Variants in TBC1D30 observed in about 807,000 individuals in gnomAD.
TBC1D30 encodes TBC1 domain family member 30, also known as TBC1 domain family, member 30.
Under a neutral mutation model 63.2 loss-of-function variants are expected in TBC1D30, and 31 were observed. That is an observed-to-expected ratio of 0.49 (90% CI 0.37 to 0.66). TBC1D30 has a LOEUF of 0.66. Ranked by LOEUF, TBC1D30 falls within the 30% of genes least tolerant of loss-of-function variation. The pLI is 0.00. For missense variants in TBC1D30, 810 were observed against 953.6 expected, an observed-to-expected ratio of 0.85 and a Z score of 1.98; for synonymous variants, 307 against 361.5, an observed-to-expected ratio of 0.85 and a Z score of 1.71.
At chr12:64,865,859 T>C (rs1237492496) in intron 9 of TBC1D30, among the ~76,000 whole-genome samples, 1 of 152,174 alleles carries the variant, frequency 6.6e-6, no homozygotes, top group African/African-American at 2.4e-5. Context: ...ATGGGGCGTG[T>C]ACATCCAGTA....
chr12:64,823,031 T>C (rs1873981528), upstream of TBC1D30, among the ~76,000 whole-genome samples: 4 of 152,232 alleles, frequency 2.6e-5, no homozygotes, highest in South Asian at 6.2e-4. Context: ...TGAATGTATG[T>C]ATTTTTTTGA....
At chr12:64,781,423 AC>A in intron 1 of TBC1D30, 13 of 886,746 alleles carry the variant, frequency 1.5e-5, no homozygotes, top group Non-Finnish European at 1.5e-5. Flanking sequence ...TGACGGTGGT[AC>A]CCACCGTGGC....
chr12:64,856,600 A>G (rs554727159), intron 8 of TBC1D30, among the ~76,000 whole-genome samples: 8 of 152,318 alleles, frequency 5.3e-5, no homozygotes, highest in African/African-American at 1.2e-4. Context: ...CCCTGTGGCC[A>G]CTACCACTGG....
At chr12:64,825,868 G>T in intron 1 of TBC1D30, among the ~76,000 whole-genome samples, 1 of 152,174 alleles carries the variant, frequency 6.6e-6, no homozygotes, top group Non-Finnish European at 1.5e-5. Context: ...CGTTCCAGGC[G>T]GGTTCACGGT....
In TBC1D30 at chr12:64,880,534, C is replaced by T. The variant is rs1879395277; in HGVS notation, c.*4746C>T. The T allele has an allele frequency of 6.6e-6, 1 of 152,230 alleles. No homozygotes were observed. Among genetic ancestry groups the T allele is most frequent in the African/African-American group, 2.4e-5 (1 of 41,456 alleles). 9.4% of individuals were successfully genotyped at this position (152,230 alleles called of 1,614,324 possible). A position where few individuals can be genotyped will look rare whatever the true frequency, so the allele number is the denominator to read the frequency against. ...GGAGAAAGGGAGTATGTTTTGGTCT[C>T]TTCCTCTTCTGATAAGGGCACTAAC... On this transcript the variant is annotated 3_prime_UTR_variant, in exon 12 of 12. Coordinates refer to ENST00000539867, the MANE Select transcript of TBC1D30 (RefSeq NM_015279.2).
At chr12:64,786,938 C>T (rs1450169914) in intron 2 of TBC1D30, among the ~76,000 whole-genome samples, 7 of 150,498 alleles carry the variant, frequency 4.7e-5, no homozygotes, top group Non-Finnish European at 8.9e-5. Flanking sequence ...AGCGAAACTC[C>T]ATCTCAAAAA....
intron 2 of TBC1D30, among the ~76,000 whole-genome samples, chr12:64,795,062 G>A (rs1872170172): frequency 6.6e-6 from 1 of 152,198 alleles, no homozygotes. Flanking sequence ...TTGGCTGTCT[G>A]CTCATAAGTA....
At chr12:64,819,122 T>C (rs1477695878) in intron 2 of TBC1D30, among the ~76,000 whole-genome samples, 2 of 152,234 alleles carry the variant, frequency 1.3e-5, no homozygotes, top group Admixed American at 6.5e-5. Context: ...CCATGCTTGA[T>C]AGAGTCCTTT....
chr12:64,875,286 A>C lies in TBC1D30; in HGVS notation c.1784A>C (p.Gln595Pro). The change falls in exon 12 of 12, where the codon CAG (glutamine) becomes CCG (proline). Residue 595 changes from glutamine (Q) to proline (P), a missense_variant. Around this residue, in one of 4 missense-constraint regions of TBC1D30, gnomAD observed 450 missense variants for 473.0 expected, o/e 0.95. Coordinates refer to ENST00000539867, the MANE Select transcript of TBC1D30 (RefSeq NM_015279.2). ...CGDTVGLIDE[Q>P]NEASKTNGLG... is the part of the protein sequence containing the mutation. ...GACACCGTAGGGCTGATAGATGAGCAGAACGAGGCCAGCAAGACCAATGGG... is the reference window on the plus strand; with the variant it reads ...GACACCGTAGGGCTGATAGATGAGCCGAACGAGGCCAGCAAGACCAATGGG... 6.5e-7 allele frequency: 1 copy of C among 1,536,332 alleles called. No individual in the cohort carries two copies. The highest frequency in any genetic ancestry group is 1.2e-5 in the South Asian group (1 of 84,066).
chr12:64,789,184 C>CTTTT (rs1282443160), intron 2 of TBC1D30, among the ~76,000 whole-genome samples: 1 of 123,302 alleles, frequency 8.1e-6, no homozygotes, highest in Non-Finnish European at 1.6e-5. Context: ...TCTTCTTCTT[C>CTTTT]TTTTTTTTTT....
Position 64,875,467 on chromosome 12 carries a change from G to A in TBC1D30, c.1965G>A (p.Lys655=), listed in dbSNP as rs1436656669. 6.5e-7 allele frequency: 1 copy of A among 1,536,206 alleles called. No individual in the cohort carries two copies. Reference sequence around the variant, plus strand: ...TGGATGTGTCTGCAGTTCAGGCGAAGTTGGGAGCCCTGGAACTGAACCAGA... The same window carrying A: ...TGGATGTGTCTGCAGTTCAGGCGAAATTGGGAGCCCTGGAACTGAACCAGA... ...ADVDVSAVQA[K]LGALELNQRD... Residue 655 remains lysine (K), a synonymous_variant, in exon 12 of 12, where the codon AAG becomes AAA. Coordinates refer to ENST00000539867, the MANE Select transcript of TBC1D30 (RefSeq NM_015279.2).
chr12:64,814,073 A>C (rs1316759324), intron 2 of TBC1D30, among the ~76,000 whole-genome samples: 2 of 151,912 alleles, frequency 1.3e-5, no homozygotes, highest in Admixed American at 1.3e-4. Flanking sequence ...TTTTTGAGAT[A>C]GGGTCTGGCT....
intron 8 of TBC1D30, among the ~76,000 whole-genome samples, chr12:64,852,283 T>G (rs1415086929): frequency 1.3e-5 from 2 of 152,102 alleles, no homozygotes; most frequent in East Asian, 3.9e-4. Flanking sequence ...TTTCTTCCGC[T>G]TGATCAGTTT....
intron 2 of TBC1D30, among the ~76,000 whole-genome samples, chr12:64,808,324 GC>G (rs1873003831): frequency 6.6e-6 from 1 of 152,100 alleles, no homozygotes; most frequent in Non-Finnish European, 1.5e-5. Flanking sequence ...TGATTTAGGT[GC>G]TTACTACTTC....
chr12:64,875,935 GT>G lies in TBC1D30; in HGVS notation c.*151del. ...AGCCCATAAAAAATGGGAACTGGAA[GT>G]TTTATAATAGGAGTTAGAACAGGGC... is the stretch of plus-strand genomic sequence containing the variant. On this transcript the variant is annotated 3_prime_UTR_variant, in exon 12 of 12. Transcript: ENST00000539867. 2 of 807,854 alleles carry G rather than the reference GT, an allele frequency of 2.5e-6. No homozygotes were observed. Among genetic ancestry groups the G allele is most frequent in the Non-Finnish European group, 3.7e-6 (2 of 541,628 alleles). 50.0% of individuals were successfully genotyped at this position (807,854 alleles called of 1,614,324 possible). A position where few individuals can be genotyped will look rare whatever the true frequency, so the allele number is the denominator to read the frequency against.
chr12:64,866,058 CAG>C (rs1317332264), intron 9 of TBC1D30, among the ~76,000 whole-genome samples: 1 of 152,120 alleles, frequency 6.6e-6, no homozygotes, highest in East Asian at 1.9e-4. Flanking sequence ...CTTGCAGAGA[CAG>C]AGTCTCGCTA....
At chr12:64,799,653 C>T (rs1356942670) in intron 2 of TBC1D30, among the ~76,000 whole-genome samples, 1 of 152,226 alleles carries the variant, frequency 6.6e-6, no homozygotes, top group Non-Finnish European at 1.5e-5. Context: ...GAGTGCTCTT[C>T]CTCTGTGTGT....
rs773344958 is a variant in TBC1D30, at chr12:64,876,867, T to C, written c.*1079T>C. The C allele has an allele frequency of 6.6e-6, 3 of 456,054 alleles. No homozygotes were observed. Among genetic ancestry groups the C allele is most frequent in the South Asian group, 4.6e-5 (3 of 64,558 alleles). The allele number at this position is 456,054 out of a possible 1,614,324, so 28.3% of individuals were successfully genotyped here. Reference sequence around the variant, plus strand: ...CACCCAGCGGGTCAGGGATAGCACCTCTTGTCTCCACTATGCAGATGGGAA... The same window carrying C: ...CACCCAGCGGGTCAGGGATAGCACCCCTTGTCTCCACTATGCAGATGGGAA... On this transcript the variant is annotated 3_prime_UTR_variant, in exon 12 of 12. Coordinates refer to ENST00000539867, the MANE Select transcript of TBC1D30 (RefSeq NM_015279.2).
intron 2 of TBC1D30, among the ~76,000 whole-genome samples, chr12:64,796,494 C>G (rs1872281281): frequency 1.3e-5 from 2 of 152,030 alleles, no homozygotes; most frequent in South Asian, 2.1e-4. Flanking sequence ...TGTATTGCCA[C>G]AAGGGTAAGA....
Sources: allele counts gnomAD v4.1 joint callset (sites outside exome capture counted in the v4.1 genomes callset), GRCh38; gene constraint gnomAD v4.1.1; regional missense constraint gnomAD v4.1.1; transcripts MANE v1.5; gene names NCBI Gene and HGNC (gene_info 2026-07-23, HGNC 2026-07-21).